The following PFKFB3 variants were observed in gnomAD, a reference collection of about 807,000 sequenced individuals.
PFKFB3 encodes 6-phosphofructo-2-kinase/fructose-2,6-biphosphatase 3, also known as 6-phosphofructo-2-kinase/fructose-2,6-bisphosphatase 3.
A neutral mutation model predicts 68.0 loss-of-function variants in PFKFB3; 33 were observed. The observed-to-expected ratio is 0.49, with a 90% confidence interval of 0.37 to 0.65. The LOEUF (loss-of-function observed/expected upper bound fraction) is 0.65, where lower values mean the gene tolerates loss of function less well. PFKFB3 is among the 30% of genes least tolerant of loss of function. The pLI is 0.00. For missense variants in PFKFB3, 586 were observed against 712.2 expected, an observed-to-expected ratio of 0.82 and a Z score of 2.02; for synonymous variants, 315 against 288.2, an observed-to-expected ratio of 1.09 and a Z score of -0.94.
intron 1 of PFKFB3, among the ~76,000 whole-genome samples, chr10:6,183,612 A>ATAT (rs1554843838): frequency 5.4e-5 from 3 of 55,232 alleles, no homozygotes; most frequent in African/African-American, 1.3e-4. Flanking sequence ...AAAAAAAAAA[A>ATAT]AAATATATAT....
chr10:6,196,069 A>T (rs1196076376), intron 1 of PFKFB3, among the ~76,000 whole-genome samples: 1 of 151,506 alleles, frequency 6.6e-6, no homozygotes, highest in Admixed American at 6.6e-5. Flanking sequence ...CGGGAGAGAT[A>T]TTGAGAGCCA....
intron 1 of PFKFB3, among the ~76,000 whole-genome samples, chr10:6,175,808 A>C (rs560124166): frequency 2.0e-5 from 3 of 152,360 alleles, no homozygotes; most frequent in Admixed American, 2.0e-4. Flanking sequence ...CCACGGTGAG[A>C]TACTACTCCA....
chr10:6,201,784 T>C (rs1291025964), upstream of PFKFB3, among the ~76,000 whole-genome samples: 3 of 151,514 alleles, frequency 2.0e-5, no homozygotes, highest in African/African-American at 7.3e-5. This position sits in a 1 kb window ranked among gnomAD's most constrained non-coding sequence, Gnocchi z 4.1. Context: ...GCTCCCGTAC[T>C]GAGGCTTCGT....
chr10:6,308,931 T>C, the PFKFB3 span, among the ~76,000 whole-genome samples: 1 of 152,156 alleles, frequency 6.6e-6, no homozygotes, highest in Admixed American at 6.5e-5. Flanking sequence ...ACACAAAGAA[T>C]AGAAGAACAA....
chr10:6,242,896 T>C (rs1238672066), intron 14 of PFKFB3, among the ~76,000 whole-genome samples: 2 of 152,212 alleles, frequency 1.3e-5, no homozygotes, highest in African/African-American at 4.8e-5. Context: ...CCTAAACATT[T>C]TATTTCTATA....
rs1251344429 is a variant in PFKFB3, at chr10:6,221,384, G to A, written c.835G>A (p.Ala279Thr). 3.1e-6 allele frequency: 5 copies of A among 1,613,690 alleles called. No individual in the cohort carries two copies. The highest frequency in any genetic ancestry group is 4.2e-6 in the Non-Finnish European group (5 of 1,180,000). Residue 279 changes from alanine to threonine, a missense_variant, in exon 9 of 15, where the codon GCC (alanine) becomes ACC (threonine). By Grantham distance (58) the Ala-to-Thr change is moderately conservative. Coordinates refer to ENST00000379775, the MANE Select transcript of PFKFB3 (RefSeq NM_004566.4). ...GTCCCCCTCCACCACCTCTCAGTTT[G>A]CCAGTGCTCTGAGCAAGTTCGTGGA... ...SGLSSRGKKF[A>T]SALSKFVEEQ...
the PFKFB3 span, among the ~76,000 whole-genome samples, chr10:6,297,841 C>T: frequency 2.0e-4 from 30 of 152,164 alleles, no homozygotes; most frequent in African/African-American, 7.2e-4. Flanking sequence ...ACCTCTGCTC[C>T]ACACATCTCT....
chr10:6,262,867 G>A, the PFKFB3 span, among the ~76,000 whole-genome samples: 1 of 152,330 alleles, frequency 6.6e-6, no homozygotes. Context: ...CTAAGGGGGA[G>A]CTGCTGTCCA....
At chr10:6,221,352 A>G (rs762719645) in intron 8 of PFKFB3, 29 bp from the exon 9 acceptor site, 21 of 1,612,552 alleles carry the variant, frequency 1.3e-5, no homozygotes, top group Non-Finnish European at 1.8e-5. Context: ...GGCATCTGGA[A>G]TCAGTGGTCC....
chr10:6,187,955 CTAT>C (rs1275677085), intron 1 of PFKFB3, among the ~76,000 whole-genome samples: 6 of 101,234 alleles, frequency 5.9e-5, no homozygotes, highest in Non-Finnish European at 1.3e-4. Flanking sequence ...CCATTTCTAT[CTAT>C]CTATCTATCT....
intron 1 of PFKFB3, among the ~76,000 whole-genome samples, chr10:6,206,323 CAAA>C (rs933065114): frequency 1.4e-5 from 2 of 141,394 alleles, no homozygotes; most frequent in African/African-American, 2.7e-5. Context: ...TAGTACAGAA[CAAA>C]ATGAAAAGTC....
downstream of PFKFB3, chr10:6,254,780 T>G (rs1161467853): frequency 6.5e-6 from 1 of 154,502 alleles, no homozygotes; most frequent in East Asian, 1.9e-4. Flanking sequence ...CATCTTTGAC[T>G]TATGATATTT....
chr10:6,157,487 A>C (rs1403375392), intron 1 of PFKFB3, among the ~76,000 whole-genome samples: 2 of 152,128 alleles, frequency 1.3e-5, no homozygotes, highest in Non-Finnish European at 2.9e-5. Context: ...CGGCCTCCCA[A>C]AGTGCTGGGA....
chr10:6,323,873 G>A, the PFKFB3 span, among the ~76,000 whole-genome samples: 1 of 152,162 alleles, frequency 6.6e-6, no homozygotes, highest in Non-Finnish European at 1.5e-5. Flanking sequence ...TGAAACAGAG[G>A]ACTACCGCGT....
At chr10:6,223,815 C>A in intron 11 of PFKFB3, 143 bp from the exon 12 acceptor site, 1 of 717,354 alleles carries the variant, frequency 1.4e-6, no homozygotes, top group Non-Finnish European at 2.5e-6. Context: ...TGGGGTTTTG[C>A]CATGTTGGTC....
In PFKFB3 at chr10:6,220,272, T is replaced by C. The variant is rs1303678147; in HGVS notation, c.624-386T>C. On this transcript the variant is annotated intron_variant, in intron 7 of 14. Coordinates refer to ENST00000379775, the MANE Select transcript of PFKFB3 (RefSeq NM_004566.4). The surrounding 1 kb of genome is among the most constrained non-coding windows in gnomAD (Gnocchi z 4.1). ...GTGGGTGTCCACGCCCAGCTAATTT[T>C]TTTTTTCTTTAGTAGAGATGAGGTC... is the stretch of plus-strand genomic sequence containing the variant. Among the ~76,000 whole-genome samples, 3 of 151,034 alleles carry C rather than the reference T, an allele frequency of 2.0e-5. No homozygotes were observed. The highest frequency in any genetic ancestry group is 4.4e-5 in the Non-Finnish European group (3 of 67,708).
intron 1 of PFKFB3, among the ~76,000 whole-genome samples, chr10:6,196,266 G>A (rs1206855622): frequency 1.3e-5 from 2 of 152,092 alleles, no homozygotes; most frequent in African/African-American, 4.8e-5. Flanking sequence ...AAGTAGCTGG[G>A]ACCACAGGCG....
At chr10:6,168,305 C>T (rs1402805154) in intron 1 of PFKFB3, among the ~76,000 whole-genome samples, 2 of 152,152 alleles carry the variant, frequency 1.3e-5, no homozygotes, top group African/African-American at 4.8e-5. Flanking sequence ...ATCAGCTGTC[C>T]TAGAATGTCC....
At chr10:6,210,944 A>G (rs12764718) in intron 1 of PFKFB3, among the ~76,000 whole-genome samples, 27,513 of 28,796 alleles carry the variant, frequency 0.96, 13,364 homozygotes, top group Middle Eastern at 1. Context: ...TCCTGACCTC[A>G]TGATCCACCC....
Sources: allele counts gnomAD v4.1 joint callset (sites outside exome capture counted in the v4.1 genomes callset), GRCh38; gene constraint gnomAD v4.1.1; non-coding constraint Gnocchi (gnomAD v3.1); transcripts MANE v1.5; gene names NCBI Gene and HGNC (gene_info 2026-07-23, HGNC 2026-07-21).